Variants in SLC35B3 observed in about 807,000 individuals in gnomAD.
The protein encoded by SLC35B3 is adenosine 3'-phospho 5'-phosphosulfate transporter 2.
A neutral mutation model predicts 44.1 loss-of-function variants in SLC35B3; 35 were observed. The ratio of observed to expected loss-of-function variants is 0.79; its 90% confidence interval spans 0.61 to 1.05. SLC35B3 has a LOEUF of 1.05. SLC35B3 is among the 50% of genes least tolerant of loss of function. The pLI is 0.00. For missense variants in SLC35B3, 414 were observed against 476.4 expected (o/e 0.87, Z 1.22); for synonymous variants, 146 against 167.3 (o/e 0.87, Z 0.98).
rs114157054 is a variant in SLC35B3, at chr6:8,426,436, T to A, written c.419+1501A>T. ...TGGGAGGGACCCAGTGGGAGGTAAT[T>A]TGAATCATGGGGGTGGTTTCCCCCA... On this transcript the variant is annotated intron_variant, in intron 4 of 10. Coordinates refer to ENST00000644923, the MANE Select transcript of SLC35B3 (RefSeq NM_001370476.2). Among the ~76,000 whole-genome samples the A allele has an allele frequency of 6.2e-3, 943 of 152,298 alleles. 7 individuals carry two copies. The highest frequency in any genetic ancestry group is 0.011 in the Non-Finnish European group (768 of 68,016).
chr6:8,435,512 A>C lies in SLC35B3; in HGVS notation c.-213T>G. On this transcript the variant is annotated 5_prime_UTR_variant, in exon 1 of 11. Coordinates refer to ENST00000644923, the MANE Select transcript of SLC35B3 (RefSeq NM_001370476.2). The surrounding 1 kb of genome is among the most constrained non-coding windows in gnomAD (Gnocchi z 5.5). The stretch of plus-strand genomic sequence containing the variant: ...GGTCGCCTCCCCGGAAAGCACTCTC[A>C]ACTCCGGCGCCCGCAGGCCACTTCC... The C allele has an allele frequency of 1.6e-6, 1 of 639,542 alleles. No homozygotes were observed. Among genetic ancestry groups the C allele is most frequent in the African/African-American group, 1.9e-5 (1 of 52,550 alleles). The allele number at this position is 639,542 out of a possible 1,614,324, so 39.6% of individuals were successfully genotyped here.
intron 2 of SLC35B3, among the ~76,000 whole-genome samples, chr6:8,431,354 G>A (rs1461821056): frequency 6.6e-6 from 1 of 152,106 alleles, no homozygotes; most frequent in Non-Finnish European, 1.5e-5. Context: ...CTTTGGTAAT[G>A]TTTTTTTAAA....
intron 2 of SLC35B3, among the ~76,000 whole-genome samples, chr6:8,430,453 T>C (rs1250519930): frequency 6.6e-6 from 1 of 152,210 alleles, no homozygotes; most frequent in Non-Finnish European, 1.5e-5. Context: ...TTTGTGTCTA[T>C]ATATAGTTGA....
chr6:8,417,440 T>G lies in SLC35B3; in HGVS notation c.835A>C (p.Thr279Pro). The G allele has an allele frequency of 6.2e-7, 1 of 1,607,172 alleles. No homozygotes were observed. Among genetic ancestry groups the G allele is most frequent in the South Asian group, 1.1e-5 (1 of 89,834 alleles). The change falls in exon 8 of 11, where the codon ACT becomes CCT. Residue 279 changes from threonine (T) to proline (P), a missense_variant. Physicochemically the swap from Thr to Pro is conservative, Grantham distance 38. Coordinates refer to ENST00000644923, the MANE Select transcript of SLC35B3 (RefSeq NM_001370476.2). ...GTTACTGCAGGGCCTAATCCACTAG[T>G]GCATGTCAATCCCAGTAAAATGTAT...
chr6:8,415,195 TA>T (rs1482039634), intron 9 of SLC35B3, among the ~76,000 whole-genome samples: 1 of 152,146 alleles, frequency 6.6e-6, no homozygotes, highest in Non-Finnish European at 1.5e-5. Context: ...AGACATTAAA[TA>T]ATTAATACAG....
chr6:8,435,040 C>T lies in SLC35B3; in HGVS notation c.-44+303G>A. 4.3e-6 allele frequency: 5 copies of T among 1,162,680 alleles called. No homozygotes were observed. In the South Asian group the frequency reaches 7.7e-5, roughly 18 times the overall value. The allele number at this position is 1,162,680 out of a possible 1,614,324, so 72.0% of individuals were successfully genotyped here. On this transcript the variant is annotated intron_variant, in intron 1 of 10. Transcript: ENST00000644923. The surrounding 1 kb of genome is among the most constrained non-coding windows in gnomAD (Gnocchi z 5.5). Reference sequence around the variant, plus strand: ...GTGACTGACAGTTCTCCAGAGACCCCGAGAACAGCGTAAAAGACCCCTTGA... The same window carrying T: ...GTGACTGACAGTTCTCCAGAGACCCTGAGAACAGCGTAAAAGACCCCTTGA...
intron 9 of SLC35B3, among the ~76,000 whole-genome samples, chr6:8,415,930 T>C (rs1762377409): frequency 6.6e-6 from 1 of 152,146 alleles, no homozygotes; most frequent in Admixed American, 6.5e-5. Context: ...AGGATGAAGA[T>C]GGCACAGTGG....
intron 4 of SLC35B3, among the ~76,000 whole-genome samples, chr6:8,425,814 C>T (rs539268267): frequency 1.1e-4 from 17 of 152,190 alleles, no homozygotes; most frequent in South Asian, 2.1e-4. Flanking sequence ...CATTAGGGTA[C>T]GACAGAAGGA....
intron 5 of SLC35B3, among the ~76,000 whole-genome samples, chr6:8,421,720 T>C (rs557443915): frequency 2.0e-3 from 300 of 152,262 alleles, no homozygotes; most frequent in Non-Finnish European, 2.6e-3. Context: ...AGCCAGCAGG[T>C]TGGTAAAAAC....
Position 8,419,606 on chromosome 6 carries a change from G to A in SLC35B3, c.754C>T (p.Leu252Phe). The change falls in exon 7 of 11, where the codon CTT (leucine) becomes TTT (phenylalanine). Residue 252 changes from leucine (L) to phenylalanine (F), a missense_variant. Coordinates refer to ENST00000644923, the MANE Select transcript of SLC35B3 (RefSeq NM_001370476.2). This position sits in a 1 kb window ranked among gnomAD's most constrained non-coding sequence, Gnocchi z 4.3. ...ATTTCAGAATTAGAAGCATTATGAAGTTTCATAGCTTTCTCTTGAACATTT... is the reference window on the plus strand; with the variant it reads ...ATTTCAGAATTAGAAGCATTATGAAATTTCATAGCTTTCTCTTGAACATTT... The A allele has an allele frequency of 6.4e-7, 1 of 1,563,408 alleles. No individual in the cohort carries two copies. The highest frequency in any genetic ancestry group is 1.2e-5 in the South Asian group (1 of 84,032).
In SLC35B3 at chr6:8,420,622, A is replaced by G; in HGVS notation, c.682+99T>C. ...GCTTTATGTTAGATATGAAAATTGC[A>G]GCTGTCACACTATCATTTAAAATGC... On this transcript the variant is annotated intron_variant, in intron 6 of 10. Transcript: ENST00000644923. The surrounding 1 kb of genome is among the most constrained non-coding windows in gnomAD (Gnocchi z 4.4). The G allele has an allele frequency of 6.4e-6, 5 of 785,294 alleles. No individual in the cohort carries two copies. Among genetic ancestry groups the G allele is most frequent in the Non-Finnish European group, 1.0e-5 (5 of 480,570 alleles). 48.6% of individuals were successfully genotyped at this position (785,294 alleles called of 1,614,324 possible). A position where few individuals can be genotyped will look rare whatever the true frequency, so the allele number is the denominator to read the frequency against.
chr6:8,430,681 A>G (rs1019133393), intron 2 of SLC35B3, among the ~76,000 whole-genome samples: 4 of 152,050 alleles, frequency 2.6e-5, no homozygotes, highest in Non-Finnish European at 5.9e-5. Context: ...GGAGTTCAAG[A>G]CCAGCCTGGG....
rs1561749559 is a variant in SLC35B3, at chr6:8,419,560, A to C, written c.780+20T>G. The C allele has an allele frequency of 1.2e-5, 15 of 1,274,358 alleles. No individual in the cohort carries two copies. In the East Asian group the frequency reaches 3.7e-4, roughly 32 times the overall value. The allele number at this position is 1,274,358 out of a possible 1,614,324, so 78.9% of individuals were successfully genotyped here. A position where few individuals can be genotyped will look rare whatever the true frequency, so the allele number is the denominator to read the frequency against. ...TTTTTAAATCTGTCTAATTTGAAGA[A>C]AAAACACTAGAGTATTTACCATTTC... is the stretch of plus-strand genomic sequence containing the variant. On this transcript the variant is annotated intron_variant, in intron 7 of 10. Coordinates refer to ENST00000644923, the MANE Select transcript of SLC35B3 (RefSeq NM_001370476.2). This position sits in a 1 kb window ranked among gnomAD's most constrained non-coding sequence, Gnocchi z 4.3.
chr6:8,428,238 T>C (rs563849542), intron 3 of SLC35B3, among the ~76,000 whole-genome samples, 180 bp from the exon 3 acceptor site: 99 of 152,344 alleles, frequency 6.5e-4, no homozygotes, highest in African/African-American at 2.2e-3. Context: ...GAAATTCTTG[T>C]GCCATAGATG....
At chr6:8,423,772 T>G (rs1446404563) in intron 4 of SLC35B3, among the ~76,000 whole-genome samples, 1 of 152,098 alleles carries the variant, frequency 6.6e-6, no homozygotes, top group Non-Finnish European at 1.5e-5. Context: ...TTCTGAGGGG[T>G]TTTTTTCTAC....
At chr6:8,425,044 T>C (rs556303534) in intron 4 of SLC35B3, among the ~76,000 whole-genome samples, 131 of 152,378 alleles carry the variant, frequency 8.6e-4, no homozygotes, top group African/African-American at 3.0e-3. Flanking sequence ...TATAAATACA[T>C]AAATTATTCT....
intron 5 of SLC35B3, among the ~76,000 whole-genome samples, chr6:8,421,954 A>G (rs9502712): frequency 0.07 from 10,605 of 152,240 alleles, 536 homozygotes; most frequent in African/African-American, 0.14. Flanking sequence ...TCTTTTTCTT[A>G]AGTCCAAATT....
chr6:8,416,853 T>C, intron 9 of SLC35B3, 31 bp downstream of exon 8: 1 of 1,151,828 alleles, frequency 8.7e-7, no homozygotes, highest in South Asian at 1.4e-5. Flanking sequence ...AAATGCTTAT[T>C]TTATAATCAA....
chr6:8,417,285 T>C (rs1762495824), intron 8 of SLC35B3, 117 bp downstream of exon 7: 5 of 671,716 alleles, frequency 7.4e-6, no homozygotes, highest in Non-Finnish European at 1.3e-5. Context: ...ATTGGCATGT[T>C]ATGTTAAAGG....
Sources: allele counts gnomAD v4.1 joint callset (sites outside exome capture counted in the v4.1 genomes callset), GRCh38; gene constraint gnomAD v4.1.1; non-coding constraint Gnocchi (gnomAD v3.1); transcripts MANE v1.5; gene names NCBI Gene and HGNC (gene_info 2026-07-23, HGNC 2026-07-21).